Variants in SAMD12 observed in about 807,000 individuals in gnomAD.
SAMD12 encodes sterile alpha motif domain-containing protein 12.
A neutral mutation model predicts 15.0 loss-of-function variants in SAMD12; 9 were observed. The ratio of observed to expected loss-of-function variants is 0.60; its 90% CI spans 0.36 to 1.05. The LOEUF (loss-of-function observed/expected upper bound fraction) is 1.05. SAMD12 is among the 50% of genes least tolerant of loss of function. The pLI is 0.01. For synonymous variants in SAMD12, 86 were observed against 90.1 expected (o/e 0.96, Z 0.25); for missense variants, 230 against 234.2 (o/e 0.98, Z 0.12).
At chr8:118,433,133 C>T (rs1822464417) in intron 3 of SAMD12, among the ~76,000 whole-genome samples, 1 of 152,150 alleles carries the variant, frequency 6.6e-6, no homozygotes. Context: ...CTCTTGGCCT[C>T]TCTCCTGTCC....
At position 118,485,326 on chromosome 8, in the gene SAMD12, C is replaced by G. The variant is rs769240958; in HGVS notation, c.193-45365G>C. 3.8e-4 allele frequency among the ~76,000 whole-genome samples: 58 copies of G among 152,136 alleles called. 1 individual carries two copies. Among genetic ancestry groups the G allele is most frequent in the South Asian group, 2.1e-4 (1 of 4,822 alleles). On this transcript the variant is annotated intron_variant, in intron 2 of 3. Coordinates refer to ENST00000314727, the MANE Select transcript of SAMD12 (RefSeq NM_207506.3). The stretch of plus-strand genomic sequence containing the variant: ...AAAAGCTGCAATGACACATTAAATA[C>G]ACTTTTCTCCTGCAAATGACAAAGG...
chr8:118,566,154 T>C (rs1337060095), intron 2 of SAMD12, among the ~76,000 whole-genome samples: 1 of 152,196 alleles, frequency 6.6e-6, no homozygotes, highest in Admixed American at 6.5e-5. Context: ...CCAATATCAT[T>C]CTGAGCCATC....
At chr8:118,226,611 C>T (rs754772632) in intron 4 of SAMD12, among the ~76,000 whole-genome samples, 3 of 152,178 alleles carry the variant, frequency 2.0e-5, no homozygotes, top group Non-Finnish European at 4.4e-5. Context: ...ATATGCTGTG[C>T]ACTTTGTAAG....
At chr8:118,146,081 T>C in the SAMD12 span, among the ~76,000 whole-genome samples, 1 of 152,210 alleles carries the variant, frequency 6.6e-6, no homozygotes, top group East Asian at 1.9e-4. Flanking sequence ...CAAGGTGCCA[T>C]GGGAGCTTAA....
chr8:118,508,663 G>T (rs1824991557), intron 2 of SAMD12, among the ~76,000 whole-genome samples: 1 of 152,162 alleles, frequency 6.6e-6, no homozygotes, highest in Non-Finnish European at 1.5e-5. Context: ...CAGAGGGGGT[G>T]CTTATTTCCA....
At chr8:118,578,180 T>C (rs779083415) in intron 2 of SAMD12, among the ~76,000 whole-genome samples, 4 of 152,120 alleles carry the variant, frequency 2.6e-5, no homozygotes, top group Admixed American at 6.6e-5. Context: ...TATTATCACA[T>C]ACATTTTCCC....
chr8:118,171,731 T>C, the SAMD12 span, among the ~76,000 whole-genome samples: 1 of 44,318 alleles, frequency 2.3e-5, no homozygotes, highest in Non-Finnish European at 1.1e-4. Flanking sequence ...GTACAGGATT[T>C]TTTTTTTTTT....
chr8:118,289,036 A>G (rs181028889), intron 4 of SAMD12, among the ~76,000 whole-genome samples: 1 of 152,346 alleles, frequency 6.6e-6, no homozygotes, highest in East Asian at 1.9e-4. Flanking sequence ...TATATTAGCA[A>G]ATCCTGGTAG....
At chr8:118,253,436 A>G (rs549492542) in intron 4 of SAMD12, among the ~76,000 whole-genome samples, 1 of 152,348 alleles carries the variant, frequency 6.6e-6, no homozygotes, top group East Asian at 1.9e-4. Context: ...GTTGTGTGCT[A>G]TGTACTGTTA....
chr8:118,430,724 T>C (rs1189321917), intron 3 of SAMD12, among the ~76,000 whole-genome samples: 2 of 152,146 alleles, frequency 1.3e-5, no homozygotes. Context: ...TCAATATAAC[T>C]ACTATAAGAG....
chr8:118,167,354 C>A, the SAMD12 span, among the ~76,000 whole-genome samples: 6 of 152,256 alleles, frequency 3.9e-5, no homozygotes, highest in East Asian at 1.2e-3. Flanking sequence ...AAGAGGAATG[C>A]AGCCCGTATG....
At chr8:118,326,312 A>AG (rs1468980596) in intron 4 of SAMD12, among the ~76,000 whole-genome samples, 1 of 152,198 alleles carries the variant, frequency 6.6e-6, no homozygotes, top group African/African-American at 2.4e-5. Flanking sequence ...ACCATGACTT[A>AG]GGGGAAAGTA....
the SAMD12 span, among the ~76,000 whole-genome samples, chr8:118,163,926 C>G: frequency 3.3e-4 from 49 of 147,480 alleles, no homozygotes; most frequent in African/African-American, 9.6e-4. Context: ...AAAAACAAAC[C>G]TGGGGAGCTT....
At chr8:118,179,349 A>T in the SAMD12 span, among the ~76,000 whole-genome samples, 6 of 151,682 alleles carry the variant, frequency 4.0e-5, no homozygotes, top group Admixed American at 3.9e-4. Flanking sequence ...TGGCAAGAGA[A>T]TCGCTTGAAC....
intron 3 of SAMD12, among the ~76,000 whole-genome samples, chr8:118,401,283 T>A (rs1476747215): frequency 6.6e-6 from 1 of 152,228 alleles, no homozygotes; most frequent in East Asian, 1.9e-4. Context: ...TGTGAATTTA[T>A]AACATTTCAG....
At chr8:118,470,027 ACTC>A (rs1823747589) in intron 2 of SAMD12, among the ~76,000 whole-genome samples, 2 of 152,106 alleles carry the variant, frequency 1.3e-5, no homozygotes, top group African/African-American at 2.4e-5. Context: ...ATAATGGAAT[ACTC>A]CTCATCTTTT....
chr8:118,619,070 C>T (rs544858457), intron 1 of SAMD12, among the ~76,000 whole-genome samples: 2 of 152,262 alleles, frequency 1.3e-5, no homozygotes, highest in Admixed American at 1.3e-4. Flanking sequence ...TGGCCATGCG[C>T]TGCAGGACAT....
intron 3 of SAMD12, among the ~76,000 whole-genome samples, chr8:118,414,800 G>C (rs1042674833): frequency 5.3e-5 from 8 of 152,272 alleles, no homozygotes; most frequent in African/African-American, 1.7e-4. Flanking sequence ...CCAGCTTCTG[G>C]TGTTCTCCTG....
chr8:118,342,308 T>C (rs1346399339), intron 4 of SAMD12, among the ~76,000 whole-genome samples: 7 of 123,056 alleles, frequency 5.7e-5, no homozygotes, highest in Non-Finnish European at 1.0e-4. Flanking sequence ...AAAAAAAAAG[T>C]TTTAAGAGAC....
Sources: allele counts gnomAD v4.1 joint callset (sites outside exome capture counted in the v4.1 genomes callset), GRCh38; gene constraint gnomAD v4.1.1; transcripts MANE v1.5; gene names NCBI Gene and HGNC (gene_info 2026-07-23, HGNC 2026-07-21).